Variants in SPNS3 observed in about 807,000 individuals in gnomAD.
The protein encoded by SPNS3 is SPNS lysolipid transporter 3, sphingosine-1-phosphate (putative).
Under a neutral mutation model 54.4 loss-of-function variants are expected in SPNS3, and 51 were observed. The ratio of observed to expected loss-of-function variants is 0.94; its 90% CI spans 0.75 to 1.18. The LOEUF is 1.18. Ranked by LOEUF, SPNS3 falls within the 50% of genes most tolerant of loss-of-function variation. SPNS3 has a pLI of 0.00. For synonymous variants in SPNS3, 309 were observed against 294.7 expected (o/e 1.05, Z -0.50); for missense variants, 669 against 677.4 (o/e 0.99, Z 0.14).
chr17:4,472,806 T>C (rs1971893275), intron 8 of SPNS3, among the ~76,000 whole-genome samples: 1 of 100,618 alleles, frequency 9.9e-6, no homozygotes, highest in South Asian at 3.7e-4. Context: ...TTTTTTTTTT[T>C]TGAGGATTTT....
intron 8 of SPNS3, among the ~76,000 whole-genome samples, chr17:4,466,471 C>T (rs1181681641): frequency 7.0e-6 from 1 of 143,440 alleles, no homozygotes; most frequent in Non-Finnish European, 1.5e-5. Flanking sequence ...GCCCAGGAGG[C>T]GGAGGTTGCA....
At chr17:4,466,352 C>T (rs1971675552) in intron 8 of SPNS3, among the ~76,000 whole-genome samples, 1 of 151,982 alleles carries the variant, frequency 6.6e-6, no homozygotes, top group Admixed American at 6.6e-5. Context: ...CCAGCCTGGC[C>T]AACATGGTGA....
chr17:4,446,652 T>A (rs1970995442), intron 4 of SPNS3: 1 of 589,038 alleles, frequency 1.7e-6, no homozygotes, highest in Non-Finnish European at 3.0e-6. Flanking sequence ...GTAGGGTATG[T>A]GTTTCCATAG....
At chr17:4,457,480 G>A (rs1015140964) in intron 8 of SPNS3, among the ~76,000 whole-genome samples, 9 of 152,200 alleles carry the variant, frequency 5.9e-5, no homozygotes, top group Non-Finnish European at 8.8e-5. Flanking sequence ...CAGAAACAGC[G>A]GGGCACACCC....
At chr17:4,487,191 AG>A (rs1972345451) in intron 11 of SPNS3, among the ~76,000 whole-genome samples, 1 of 140,732 alleles carries the variant, frequency 7.1e-6, no homozygotes, top group Non-Finnish European at 1.6e-5. Context: ...AAAAAAAAAA[AG>A]GGACAGGTAG....
intron 8 of SPNS3, among the ~76,000 whole-genome samples, chr17:4,455,462 G>A (rs1480015263): frequency 6.6e-6 from 1 of 152,206 alleles, no homozygotes; most frequent in Non-Finnish European, 1.5e-5. Flanking sequence ...CAGAGGCGGG[G>A]TGTGGGGGGT....
At chr17:4,446,772 G>T in intron 4 of SPNS3, 124 bp from the exon 5 acceptor site, 1 of 849,944 alleles carries the variant, frequency 1.2e-6, no homozygotes, top group Non-Finnish European at 1.9e-6. Context: ...AGTGAAACAG[G>T]TCTGAGCCTG....
At chr17:4,450,264 C>T (rs1567558845) in intron 7 of SPNS3, among the ~76,000 whole-genome samples, 2 of 151,664 alleles carry the variant, frequency 1.3e-5, no homozygotes, top group Non-Finnish European at 2.9e-5. Context: ...CTCCTTCCTC[C>T]TCTTTTCTCT....
intron 9 of SPNS3, among the ~76,000 whole-genome samples, chr17:4,485,730 C>T (rs530704355): frequency 1.2e-4 from 18 of 152,292 alleles, no homozygotes; most frequent in South Asian, 6.2e-4. Flanking sequence ...CAGCCTTGTC[C>T]GTGGAGTCGT....
At chr17:4,439,032 G>T (rs1217248901) in intron 1 of SPNS3, among the ~76,000 whole-genome samples, 1 of 152,020 alleles carries the variant, frequency 6.6e-6, no homozygotes, top group Admixed American at 6.6e-5. Flanking sequence ...GTTCCCATAT[G>T]AAGAGGAGGG....
chr17:4,458,514 TCCCTCCCACCCGCC>T (rs1971383650), intron 8 of SPNS3, among the ~76,000 whole-genome samples: 1 of 128,830 alleles, frequency 7.8e-6, no homozygotes, highest in Non-Finnish European at 1.7e-5. Flanking sequence ...CTTCCCTTCC[TCCCTCCCACCCGCC>T]TTCCTTCCTT....
intron 8 of SPNS3, among the ~76,000 whole-genome samples, chr17:4,458,645 C>CT (rs1475254114): frequency 6.4e-5 from 8 of 124,508 alleles, no homozygotes; most frequent in South Asian, 2.5e-4. Context: ...TTCTTTCTTT[C>CT]TTTCCTTCCT....
intron 8 of SPNS3, among the ~76,000 whole-genome samples, chr17:4,458,592 T>C (rs74450982): frequency 0.2 from 8,016 of 40,056 alleles, 820 homozygotes; most frequent in East Asian, 0.51. Flanking sequence ...TTCCCTCCTT[T>C]CTTTCTTTCT....
chr17:4,447,067 G>C lies in SPNS3; in HGVS notation c.621+105G>C, dbSNP rs1326017889. 6 of 1,071,644 alleles carry C rather than the reference G, an allele frequency of 5.6e-6. No homozygotes were observed. The African/African-American group carries it at 1.7e-4, about 30-fold the overall frequency. The allele number at this position is 1,071,644 out of a possible 1,614,324, so 66.4% of individuals were successfully genotyped here. On this transcript the variant is annotated intron_variant, in intron 5 of 11. Coordinates refer to ENST00000355530, the MANE Select transcript of SPNS3 (RefSeq NM_182538.5). ...CTTGGCGTAGCACCCGGCGCCATTA[G>C]GGGGACGGGGGGTGGTGGTCAGGCA...
At position 4,488,027 on chromosome 17, in the gene SPNS3, G is replaced by A. The variant is rs1019791811; in HGVS notation, c.*133G>A. On this transcript the variant is annotated 3_prime_UTR_variant, in exon 12 of 12. Transcript: ENST00000355530. ...TGCCACTTTTGAATTCCCGGCTGGA[G>A]AGCTGGCAGGACCCTGTGGCTGGGC... 4.1e-5 allele frequency: 31 copies of A among 752,882 alleles called. No individual in the cohort carries two copies. Among genetic ancestry groups the A allele is most frequent in the Non-Finnish European group, 4.5e-6 (2 of 447,510 alleles). The allele number at this position is 752,882 out of a possible 1,614,324, so 46.6% of individuals were successfully genotyped here.
chr17:4,464,652 G>A (rs1450847757), intron 8 of SPNS3, among the ~76,000 whole-genome samples: 1 of 152,128 alleles, frequency 6.6e-6, no homozygotes, highest in Non-Finnish European at 1.5e-5. Context: ...TCATTAAAGA[G>A]ATAAGCAAAC....
At chr17:4,452,259 G>A (rs1971186766) in intron 7 of SPNS3, among the ~76,000 whole-genome samples, 2 of 152,074 alleles carry the variant, frequency 1.3e-5, no homozygotes, top group Non-Finnish European at 2.9e-5. Context: ...ACCAAGGCTG[G>A]ATGATTTAAA....
intron 1 of SPNS3, among the ~76,000 whole-genome samples, chr17:4,434,613 C>T (rs1334058132): frequency 6.6e-6 from 1 of 151,452 alleles, no homozygotes; most frequent in African/African-American, 2.4e-5. Context: ...TCTCCTGCCT[C>T]AGCCTCCCGA....
In SPNS3 at chr17:4,445,101, C is replaced by A. The variant is rs1970948605; in HGVS notation, c.335C>A (p.Ala112Asp). Residue 112 changes from alanine to aspartate, a missense_variant, in exon 3 of 12, where the codon GCT (alanine) becomes GAT (aspartate). Physicochemically the swap from Ala to Asp is moderately radical, Grantham distance 126 (BLOSUM62 -2). Coordinates refer to ENST00000355530, the MANE Select transcript of SPNS3 (RefSeq NM_182538.5). ...GYLGDRHSRK[A>D]TMSFGILLWS... The stretch of plus-strand genomic sequence containing the variant: ...CTGGGCGACCGACATAGCCGCAAGG[C>A]TACCATGAGCTTCGGTATCTTGCTG... The A allele has an allele frequency of 1.9e-6, 3 of 1,614,074 alleles. No homozygotes were observed. Among genetic ancestry groups the A allele is most frequent in the African/African-American group, 2.7e-5 (2 of 74,930 alleles).
Sources: allele counts gnomAD v4.1 joint callset (sites outside exome capture counted in the v4.1 genomes callset), GRCh38; gene constraint gnomAD v4.1.1; transcripts MANE v1.5; gene names NCBI Gene and HGNC (gene_info 2026-07-23, HGNC 2026-07-21).